HAT1: variants seen among roughly 807,000 people sequenced by gnomAD.
HAT1 encodes the protein histone acetyltransferase 1, also known as histone acetyltransferase type B catalytic subunit.
Under a neutral mutation model 56.6 loss-of-function variants are expected in HAT1, and 20 were observed. The observed-to-expected ratio is 0.35, with a 90% CI of 0.25 to 0.51. HAT1 has a LOEUF of 0.51. Among genes scored for constraint, HAT1 ranks in the 20% least tolerant of loss-of-function variants. HAT1 has a pLI of 0.95. For missense variants in HAT1, 408 were observed against 504.3 expected (o/e 0.81, Z 1.83); for synonymous variants, 146 against 165.5 (o/e 0.88, Z 0.91).
intron 2 of HAT1, among the ~76,000 whole-genome samples, 197 bp downstream of exon 2, chr2:171,925,838 CAG>C (rs1258643906): frequency 6.6e-6 from 1 of 151,572 alleles, no homozygotes; most frequent in Non-Finnish European, 1.5e-5. Context: ...TGAAAGGTGA[CAG>C]AATTTTATAT....
chr2:171,940,605 C>T (rs557327929), intron 2 of HAT1, among the ~76,000 whole-genome samples: 1 of 152,248 alleles, frequency 6.6e-6, no homozygotes, highest in African/African-American at 2.4e-5. Context: ...AAGTGGTGGC[C>T]TTCAATAAAT....
At chr2:171,953,210 G>A (rs947592469) in intron 4 of HAT1, among the ~76,000 whole-genome samples, 1 of 151,950 alleles carries the variant, frequency 6.6e-6, no homozygotes, top group Non-Finnish European at 1.5e-5. Flanking sequence ...GTGGGGCGTG[G>A]TGGCATGTGT....
chr2:171,957,559 A>G (rs1434893911), intron 4 of HAT1, among the ~76,000 whole-genome samples: 3 of 152,192 alleles, frequency 2.0e-5, no homozygotes, highest in Non-Finnish European at 4.4e-5. Flanking sequence ...AACTGACTAT[A>G]TCTAGATGAG....
At chr2:171,929,697 G>A (rs1038674015) in intron 2 of HAT1, among the ~76,000 whole-genome samples, 10 of 152,170 alleles carry the variant, frequency 6.6e-5, no homozygotes, top group African/African-American at 1.7e-4. Flanking sequence ...ATATCCACTT[G>A]TTTCAGTATA....
intron 8 of HAT1, among the ~76,000 whole-genome samples, chr2:171,974,173 CAAAAAAA>C (rs1183466393): frequency 2.2e-5 from 1 of 45,580 alleles, no homozygotes; most frequent in Admixed American, 3.1e-4. Context: ...GACCCTGTCT[CAAAAAAA>C]AAAAAAAAAA....
chr2:171,949,735 C>G (rs1464822702), intron 3 of HAT1, among the ~76,000 whole-genome samples: 1 of 151,560 alleles, frequency 6.6e-6, no homozygotes, highest in Non-Finnish European at 1.5e-5. Context: ...CCAGGCTGGT[C>G]TTGAACTCCT....
intron 3 of HAT1, among the ~76,000 whole-genome samples, chr2:171,951,013 G>C (rs987232284): frequency 1.3e-5 from 2 of 151,984 alleles, no homozygotes; most frequent in Non-Finnish European, 2.9e-5. Flanking sequence ...GTTTTGCCGT[G>C]TTGGCCAGGC....
intron 4 of HAT1, among the ~76,000 whole-genome samples, chr2:171,955,837 G>C (rs1288987296): frequency 2.0e-5 from 3 of 151,210 alleles, no homozygotes; most frequent in African/African-American, 7.3e-5. Context: ...ACGAGGTCAG[G>C]AGTTTGAGTC....
At chr2:171,930,064 T>C (rs1257264553) in intron 2 of HAT1, among the ~76,000 whole-genome samples, 1 of 152,218 alleles carries the variant, frequency 6.6e-6, no homozygotes, top group Non-Finnish European at 1.5e-5. Context: ...TATTTCTGTA[T>C]TCTAGAAATG....
At chr2:171,956,381 G>A (rs1243355868) in intron 4 of HAT1, among the ~76,000 whole-genome samples, 1 of 151,780 alleles carries the variant, frequency 6.6e-6, no homozygotes, top group Non-Finnish European at 1.5e-5. Context: ...GTGTGGTGGT[G>A]TGTGCCTGTA....
At position 171,965,285 on chromosome 2, in the gene HAT1, A is replaced by G. The variant is rs1001693801; in HGVS notation, c.310-53A>G. The G allele has an allele frequency of 8.3e-6, 9 of 1,084,088 alleles. No individual in the cohort carries two copies. The Admixed American group carries it at 2.1e-4, about 25-fold the overall frequency. The allele number at this position is 1,084,088 out of a possible 1,614,324, so 67.2% of individuals were successfully genotyped here. A position where few individuals can be genotyped will look rare whatever the true frequency, so the allele number is the denominator to read the frequency against. On this transcript the variant is annotated intron_variant, in intron 4 of 10. Coordinates refer to ENST00000264108, the MANE Select transcript of HAT1 (RefSeq NM_003642.4). ...TGTCAGTTTTAAAGAAATAAACCAT[A>G]TTCAACTTAAAGTCGAATTTGTTAT...
chr2:171,946,701 G>A lies in HAT1; in HGVS notation c.113-7G>A. 1 of 1,530,022 alleles carries A rather than the reference G, an allele frequency of 6.5e-7. No individual in the cohort carries two copies. Among genetic ancestry groups the A allele is most frequent in the South Asian group, 1.2e-5 (1 of 86,028 alleles). The allele number at this position is 1,530,022 out of a possible 1,614,324, so 94.8% of individuals were successfully genotyped here. ...TAATATCTCTATTTTTTTGTCCCTT[G>A]AAACAGTTCGTTTTCCTGAAGATCT... On this transcript the variant is annotated splice_polypyrimidine_tract_variant and splice_region_variant and intron_variant, in intron 2 of 10. Transcript: ENST00000264108.
chr2:171,965,968 T>C, intron 6 of HAT1, 60 bp downstream of exon 6: 3 of 1,441,128 alleles, frequency 2.1e-6, no homozygotes, highest in Non-Finnish European at 2.9e-6. Context: ...AGCATTTTAA[T>C]TGTGGCAGCC....
chr2:171,953,172 C>A (rs538931426), intron 4 of HAT1, among the ~76,000 whole-genome samples, 171 bp downstream of exon 4: 1 of 151,890 alleles, frequency 6.6e-6, no homozygotes, highest in Admixed American at 6.6e-5. Flanking sequence ...TAGTGAGAGC[C>A]CATTTCTCAA....
intron 4 of HAT1, among the ~76,000 whole-genome samples, chr2:171,964,589 A>G (rs1687643552): frequency 6.6e-6 from 1 of 152,164 alleles, no homozygotes. Flanking sequence ...GTTAAAGAGA[A>G]GTAGTAAATG....
intron 4 of HAT1, among the ~76,000 whole-genome samples, chr2:171,958,577 C>G (rs1204733139): frequency 6.6e-6 from 1 of 152,092 alleles, no homozygotes. Flanking sequence ...CACAAGCCAC[C>G]GTACCCAGCC....
intron 9 of HAT1, among the ~76,000 whole-genome samples, chr2:171,977,151 C>T (rs1459891945): frequency 6.7e-6 from 1 of 149,366 alleles, no homozygotes; most frequent in Admixed American, 6.7e-5. Context: ...CCAGCCTGGG[C>T]GACCGAGCGA....
intron 3 of HAT1, among the ~76,000 whole-genome samples, chr2:171,949,551 G>A (rs569149651): frequency 6.6e-6 from 1 of 151,844 alleles, no homozygotes; most frequent in African/African-American, 2.4e-5. Flanking sequence ...GGCGTATCCT[G>A]TAGTCCCAGC....
intron 8 of HAT1, among the ~76,000 whole-genome samples, chr2:171,971,945 A>C (rs1057028619): frequency 6.6e-6 from 1 of 152,154 alleles, no homozygotes; most frequent in Admixed American, 6.5e-5. Flanking sequence ...ACCCTCAAGG[A>C]CACAGGAGTA....
Sources: gnomAD v4.1 joint callset for allele counts (sites outside exome capture counted in the v4.1 genomes callset) on GRCh38, gnomAD v4.1.1 for gene constraint, MANE v1.5 for transcripts, NCBI Gene and HGNC (gene_info 2026-07-23, HGNC 2026-07-21) for gene names.